Variants in RBFOX1 observed in about 807,000 individuals in gnomAD.
RBFOX1 encodes RNA binding protein fox-1 homolog 1.
A neutral mutation model predicts 57.7 loss-of-function variants in RBFOX1; 8 were observed. The ratio of observed to expected loss-of-function variants is 0.14; its 90% CI spans 0.08 to 0.25. The LOEUF (loss-of-function observed/expected upper bound fraction) is 0.25. Among genes scored for constraint, RBFOX1 ranks in the 10% least tolerant of loss-of-function variants. RBFOX1 has a pLI of 1.00. For missense variants in RBFOX1, 611 were observed against 548.5 expected, an observed-to-expected ratio of 1.11 and a Z score of -1.14; for synonymous variants, 326 against 222.4, an observed-to-expected ratio of 1.47 and a Z score of -4.15.
intron 1 of RBFOX1, among the ~76,000 whole-genome samples, chr16:5,273,019 G>A (rs1235829442): frequency 6.6e-6 from 1 of 152,172 alleles, no homozygotes; most frequent in Non-Finnish European, 1.5e-5. Flanking sequence ...CCTGGATGCA[G>A]TCCTTTGCTG....
Position 5,334,413 on chromosome 16 carries a change from C to A in RBFOX1, c.219+94308C>A, listed in dbSNP as rs148552425. On this transcript the variant is annotated intron_variant, in intron 1 of 2. Transcript: ENST00000585867. Reference sequence around the variant, plus strand: ...GTGCTTGTTCAAGATGGCTATGTTCCTGCTCTGTCAGACTGTATGGAATTC... The same window carrying A: ...GTGCTTGTTCAAGATGGCTATGTTCATGCTCTGTCAGACTGTATGGAATTC... Among the ~76,000 whole-genome samples, 17 of 152,218 alleles carry A rather than the reference C, an allele frequency of 1.1e-4. No individual in the cohort carries two copies. In the East Asian group the frequency reaches 3.1e-3, roughly 28 times the overall value.
At chr16:5,242,728 A>G (rs2062197975) in intron 1 of RBFOX1, among the ~76,000 whole-genome samples, 2 of 152,154 alleles carry the variant, frequency 1.3e-5, no homozygotes, top group Admixed American at 6.5e-5. Flanking sequence ...CTCTGCAAGA[A>G]GCAGCATGGG....
intron 2 of RBFOX1, among the ~76,000 whole-genome samples, chr16:5,558,506 G>C (rs910322353): frequency 6.6e-6 from 1 of 152,102 alleles, no homozygotes; most frequent in Non-Finnish European, 1.5e-5. Context: ...CTTGTACCCT[G>C]TACAAACTAC....
chr16:7,081,221 G>T (rs2059145558), intron 4 of RBFOX1, among the ~76,000 whole-genome samples: 1 of 152,200 alleles, frequency 6.6e-6, no homozygotes, highest in African/African-American at 2.4e-5. Flanking sequence ...TTTTAGTGGA[G>T]GCAGGGTTTC....
At chr16:5,671,188 G>T (rs2050002517) in intron 3 of RBFOX1, among the ~76,000 whole-genome samples, 1 of 152,200 alleles carries the variant, frequency 6.6e-6, no homozygotes, top group Non-Finnish European at 1.5e-5. Flanking sequence ...ACTTAAGCTA[G>T]GAGGTTTTCT....
At chr16:5,454,914 C>CTTTT (rs1312250025) in intron 1 of RBFOX1, among the ~76,000 whole-genome samples, 3 of 55,758 alleles carry the variant, frequency 5.4e-5, no homozygotes, top group African/African-American at 1.2e-4. Context: ...TTCTTTCTTT[C>CTTTT]CTTTGTTTCT....
chr16:6,285,330 A>G (rs8062427), intron 1 of RBFOX1, among the ~76,000 whole-genome samples: 1 of 151,976 alleles, frequency 6.6e-6, no homozygotes, highest in Non-Finnish European at 1.5e-5. Context: ...TTAAGACTAT[A>G]TCTGGAAGTA....
intron 10 of RBFOX1, among the ~76,000 whole-genome samples, chr16:7,617,888 G>A (rs1426924385): frequency 2.0e-5 from 3 of 152,086 alleles, no homozygotes; most frequent in African/African-American, 7.2e-5. Context: ...AGTCTTAAAG[G>A]GTAAGAGTTC....
At chr16:6,891,626 A>T (rs1057311482) in intron 3 of RBFOX1, among the ~76,000 whole-genome samples, 3 of 152,226 alleles carry the variant, frequency 2.0e-5, no homozygotes, top group Non-Finnish European at 2.9e-5. Flanking sequence ...AGCTGGCAGC[A>T]TTCCTTTCCT....
chr16:7,124,895 G>A (rs781681998), intron 4 of RBFOX1, among the ~76,000 whole-genome samples: 1 of 152,056 alleles, frequency 6.6e-6, no homozygotes, highest in East Asian at 1.9e-4. Flanking sequence ...TCACCAGCCA[G>A]TGACAGCGTT....
At chr16:7,708,296 G>A (rs1050913617) in intron 14 of RBFOX1, among the ~76,000 whole-genome samples, 1 of 152,070 alleles carries the variant, frequency 6.6e-6, no homozygotes, top group Admixed American at 6.5e-5. Flanking sequence ...AGCACGTTTG[G>A]TTTCCATCTC....
chr16:6,720,992 G>T (rs772500039), intron 3 of RBFOX1, among the ~76,000 whole-genome samples: 47 of 152,274 alleles, frequency 3.1e-4, no homozygotes, highest in Non-Finnish European at 5.3e-4. Flanking sequence ...GATCATGAGG[G>T]CTAAGATGAG....
intron 3 of RBFOX1, among the ~76,000 whole-genome samples, chr16:6,659,872 G>A (rs1395861185): frequency 1.3e-5 from 2 of 152,130 alleles, no homozygotes; most frequent in Non-Finnish European, 2.9e-5. Context: ...CCAAAGACCT[G>A]ATTCGGTTCC....
At chr16:7,118,930 C>A (rs896145949) in intron 4 of RBFOX1, among the ~76,000 whole-genome samples, 2 of 152,120 alleles carry the variant, frequency 1.3e-5, no homozygotes, top group Non-Finnish European at 2.9e-5. Context: ...TTTTTAGGAA[C>A]ATGTGGCAGA....
chr16:6,899,111 A>G (rs2067782826), intron 3 of RBFOX1, among the ~76,000 whole-genome samples: 1 of 151,396 alleles, frequency 6.6e-6, no homozygotes, highest in African/African-American at 2.4e-5. Flanking sequence ...ATCTGTGTAT[A>G]CGTGTTTATG....
intron 14 of RBFOX1, among the ~76,000 whole-genome samples, chr16:7,699,436 G>C (rs1355849080): frequency 6.6e-6 from 1 of 152,062 alleles, no homozygotes; most frequent in African/African-American, 2.4e-5. Context: ...AAGCCATCCT[G>C]CCCCTTTGGC....
At chr16:7,095,435 G>C (rs1009568912) in intron 4 of RBFOX1, among the ~76,000 whole-genome samples, 1 of 152,178 alleles carries the variant, frequency 6.6e-6, no homozygotes, top group Non-Finnish European at 1.5e-5. Flanking sequence ...ACTGCGGCCA[G>C]CTTAGAATGT....
At chr16:6,072,063 C>G (rs765393346) in intron 1 of RBFOX1, among the ~76,000 whole-genome samples, 2 of 152,196 alleles carry the variant, frequency 1.3e-5, no homozygotes, top group Non-Finnish European at 2.9e-5. Context: ...ACTCACAGCT[C>G]CACAGGGCTG....
intron 3 of RBFOX1, among the ~76,000 whole-genome samples, chr16:5,785,079 C>G (rs566786105): frequency 1.3e-5 from 2 of 151,452 alleles, no homozygotes; most frequent in African/African-American, 2.4e-5. Flanking sequence ...AGTGGTGTCA[C>G]ACATACATAA....
Sources: gnomAD v4.1 joint callset for allele counts (sites outside exome capture counted in the v4.1 genomes callset) on GRCh38, gnomAD v4.1.1 for gene constraint, MANE v1.5 for transcripts, NCBI Gene and HGNC (gene_info 2026-07-23, HGNC 2026-07-21) for gene names.